Variants in FMN1 observed in about 807,000 individuals in gnomAD.
FMN1 encodes formin-1.
FMN1 carries 110 observed loss-of-function variants against 132.4 expected under a neutral mutation model. That is an observed-to-expected ratio of 0.83 (90% confidence interval 0.71 to 0.97). The LOEUF is 0.97. FMN1 is among the 50% of genes least tolerant of loss of function. The probability of loss-of-function intolerance (pLI) is 0.00; values close to 1 mark genes in which losing one functional copy is unlikely to be tolerated. For missense variants in FMN1, 1,792 were observed against 1,705.3 expected, an observed-to-expected ratio of 1.05 and a Z score of -0.90; for synonymous variants, 722 against 651.7, an observed-to-expected ratio of 1.11 and a Z score of -1.64.
intron 17 of FMN1, among the ~76,000 whole-genome samples, chr15:32,824,543 CTCT>C (rs1240522081): frequency 2.6e-5 from 4 of 152,246 alleles, no homozygotes; most frequent in South Asian, 4.1e-4. Context: ...CCGCCACTGG[CTCT>C]TCTTCTCCCT....
rs564614776 is a variant in FMN1 at position 32,901,142 on chromosome 15, G to T, written c.3507+769C>A. 2.0e-5 allele frequency among the ~76,000 whole-genome samples: 3 copies of T among 151,904 alleles called. No individual in the cohort carries two copies. In the South Asian group the frequency reaches 6.2e-4, roughly 32 times the overall value. On this transcript the variant is annotated intron_variant, in intron 13 of 20. Coordinates refer to ENST00000616417, the MANE Select transcript of FMN1 (RefSeq NM_001277313.2). ...GCACTCCAGCCTGGGCAAGAAGAAT[G>T]AGACTCCGTCTCAAAAAAAAAGAAA...
chr15:33,033,310 G>A (rs936975883), intron 6 of FMN1, among the ~76,000 whole-genome samples: 2 of 152,266 alleles, frequency 1.3e-5, no homozygotes, highest in Admixed American at 6.5e-5. Flanking sequence ...GATTACAGGC[G>A]TGAGCCACCA....
intron 6 of FMN1, among the ~76,000 whole-genome samples, chr15:33,031,527 C>T (rs1006892596): frequency 5.3e-5 from 8 of 152,176 alleles, no homozygotes; most frequent in Admixed American, 1.3e-4. Flanking sequence ...ATTACTATCC[C>T]CATTAAACCT....
chr15:33,070,778 G>T (rs61999989), intron 5 of FMN1, among the ~76,000 whole-genome samples: 20,602 of 152,210 alleles, frequency 0.14, 1,653 homozygotes, highest in Middle Eastern at 0.21. Context: ...AGATTTGAGG[G>T]TTGACCATGT....
intron 4 of FMN1, among the ~76,000 whole-genome samples, chr15:33,110,014 G>GT (rs2039637923): frequency 6.6e-6 from 1 of 151,998 alleles, no homozygotes; most frequent in African/African-American, 2.4e-5. Context: ...ACATAAATGG[G>GT]TAAGTGCACG....
chr15:32,975,103 C>G (rs2032098110), intron 7 of FMN1, among the ~76,000 whole-genome samples: 1 of 152,172 alleles, frequency 6.6e-6, no homozygotes, highest in Non-Finnish European at 1.5e-5. Flanking sequence ...CCATTTTCGC[C>G]TGGTGAAAGC....
chr15:33,127,877 G>GA (rs1444279589), intron 4 of FMN1, among the ~76,000 whole-genome samples: 1 of 152,178 alleles, frequency 6.6e-6, no homozygotes, highest in Non-Finnish European at 1.5e-5. Flanking sequence ...TGTTTCCGAG[G>GA]AATCTTATGC....
chr15:33,170,959 G>A (rs1203262228), intron 3 of FMN1, among the ~76,000 whole-genome samples: 1 of 152,130 alleles, frequency 6.6e-6, no homozygotes, highest in Non-Finnish European at 1.5e-5. Flanking sequence ...TTACTGCATA[G>A]CAAAAGATAT....
intron 3 of FMN1, among the ~76,000 whole-genome samples, chr15:33,168,329 C>G (rs1039334106): frequency 6.6e-6 from 1 of 152,210 alleles, no homozygotes; most frequent in South Asian, 2.1e-4. Context: ...ATATGGTTAA[C>G]AGATTGTGTT....
chr15:33,022,860 A>C (rs910093689), intron 6 of FMN1, among the ~76,000 whole-genome samples: 1 of 152,016 alleles, frequency 6.6e-6, no homozygotes, highest in African/African-American at 2.4e-5. Context: ...TGGGAAAGGG[A>C]AGTTGGAAGA....
chr15:32,981,518 A>AAATAATAAT (rs34776483), intron 7 of FMN1, among the ~76,000 whole-genome samples: 1,564 of 140,576 alleles, frequency 0.011, 44 homozygotes, highest in African/African-American at 0.039. Flanking sequence ...ACTCCATCTC[A>AAATAATAAT]AATAATAATA....
chr15:32,863,069 G>A (rs1313417168), intron 16 of FMN1, among the ~76,000 whole-genome samples: 1 of 152,226 alleles, frequency 6.6e-6, no homozygotes, highest in African/African-American at 2.4e-5. Flanking sequence ...GGGCTTAGAT[G>A]AGAGACATAA....
chr15:32,961,976 G>T (rs2030611163), intron 9 of FMN1, among the ~76,000 whole-genome samples: 1 of 151,990 alleles, frequency 6.6e-6, no homozygotes, highest in Non-Finnish European at 1.5e-5. Context: ...GGTCTACCCT[G>T]AACACCCCAT....
chr15:32,902,080 T>A (rs2060311628), intron 12 of FMN1, 40 bp from the exon 13 acceptor site: 1 of 1,562,846 alleles, frequency 6.4e-7, no homozygotes, highest in Admixed American at 1.9e-5. Flanking sequence ...TCACATATAA[T>A]CACAAGGAAA....
chr15:33,035,315 GA>G (rs1157014289), intron 6 of FMN1, among the ~76,000 whole-genome samples: 2 of 152,122 alleles, frequency 1.3e-5, no homozygotes, highest in African/African-American at 2.4e-5. Flanking sequence ...CATGATGGAG[GA>G]AAATGCTAAA....
intron 4 of FMN1, among the ~76,000 whole-genome samples, chr15:33,099,361 G>A (rs2039207060): frequency 6.6e-6 from 1 of 152,126 alleles, no homozygotes; most frequent in African/African-American, 2.4e-5. Context: ...CACAATAATT[G>A]GCATCAGGAA....
chr15:32,880,218 C>T (rs926313909), intron 16 of FMN1, among the ~76,000 whole-genome samples: 1 of 152,152 alleles, frequency 6.6e-6, no homozygotes, highest in African/African-American at 2.4e-5. Flanking sequence ...CTCGCAGTCC[C>T]AGCTGATATA....
chr15:32,898,897 GGTTTAAAAGAGAAAT>G lies in FMN1; in HGVS notation c.3655-19_3655-5del. On this transcript the variant is annotated splice_region_variant and splice_polypyrimidine_tract_variant and intron_variant, in intron 14 of 20. Transcript: ENST00000616417. Reference sequence around the variant, plus strand: ...CCACCAGATTAATCCCATTATCCTAGGTTTAAAAGAGAAATGTACATGAAAATCATTCCCATGAGA... The same window carrying G: ...CCACCAGATTAATCCCATTATCCTAGGTACATGAAAATCATTCCCATGAGA... 1 of 1,575,900 alleles carries G rather than the reference GGTTTAAAAGAGAAAT, an allele frequency of 6.3e-7. No homozygotes were observed. The highest frequency in any genetic ancestry group is 8.7e-7 in the Non-Finnish European group (1 of 1,147,506).
intron 9 of FMN1, among the ~76,000 whole-genome samples, chr15:32,951,728 C>T (rs7182893): frequency 0.27 from 41,163 of 152,110 alleles, 7,313 homozygotes; most frequent in African/African-American, 0.52. Flanking sequence ...ACCTTTGAAG[C>T]AGACATTAAT....
Sources: allele counts gnomAD v4.1 joint callset (sites outside exome capture counted in the v4.1 genomes callset), GRCh38; gene constraint gnomAD v4.1.1; transcripts MANE v1.5; gene names NCBI Gene and HGNC (gene_info 2026-07-23, HGNC 2026-07-21).